UGT1A7: variants seen among roughly 807,000 people sequenced by gnomAD.
The protein encoded by UGT1A7 is UDP glucuronosyltransferase family 1 member A7.
Under a neutral mutation model 45.6 loss-of-function variants are expected in UGT1A7, and 33 were observed. The ratio of observed to expected loss-of-function variants is 0.72; its 90% CI spans 0.55 to 0.97. The LOEUF is 0.97. Among genes scored for constraint, UGT1A7 ranks in the 50% least tolerant of loss-of-function variants. The probability of loss-of-function intolerance (pLI) is 0.00; values close to 1 mark genes in which losing one functional copy is unlikely to be tolerated. For missense variants in UGT1A7, 684 were observed against 666.2 expected, an observed-to-expected ratio of 1.03 and a Z score of -0.29; for synonymous variants, 274 against 250.6, an observed-to-expected ratio of 1.09 and a Z score of -0.88.
At chr2:233,736,071 G>A (rs1216077159) in intron 1 of UGT1A7, among the ~76,000 whole-genome samples, 1 of 152,146 alleles carries the variant, frequency 6.6e-6, no homozygotes, top group Non-Finnish European at 1.5e-5. Flanking sequence ...TGCTAGGTTT[G>A]GGAAGTTCTC....
intron 1 of UGT1A7, among the ~76,000 whole-genome samples, chr2:233,735,163 G>C (rs2078615776): frequency 7.0e-6 from 1 of 143,406 alleles, no homozygotes. Context: ...CTCTGTGTAG[G>C]TCTCTAAGAA....
At chr2:233,688,574 C>G (rs978724420) in intron 1 of UGT1A7, among the ~76,000 whole-genome samples, 1 of 152,144 alleles carries the variant, frequency 6.6e-6, no homozygotes, top group Non-Finnish European at 1.5e-5. Context: ...AACATGAGTT[C>G]ATCTTGTTTT....
At position 233,728,107 on chromosome 2, in the gene UGT1A7, C is replaced by T. The variant is rs144723980; in HGVS notation, c.856-38927C>T. On this transcript the variant is annotated intron_variant, in intron 1 of 4. Transcript: ENST00000373426. ...CCTTTAGAAAGGCACATATTTAATT[C>T]TCCATCTTGAAATTTGGACTAGGGC... Among the ~76,000 whole-genome samples, 25 of 152,336 alleles carry T rather than the reference C, an allele frequency of 1.6e-4. No individual in the cohort carries two copies. In the East Asian group the frequency reaches 4.2e-3, roughly 26 times the overall value.
intron 1 of UGT1A7, among the ~76,000 whole-genome samples, chr2:233,724,860 T>G (rs1312826202): frequency 3.2e-5 from 4 of 126,790 alleles, no homozygotes; most frequent in Non-Finnish European, 6.4e-5. Flanking sequence ...CTGGGAGGTG[T>G]AGGTTGTAGT....
chr2:233,747,463 G>A lies in UGT1A7; in HGVS notation c.856-19571G>A, dbSNP rs564672570. 1.6e-5 allele frequency: 25 copies of A among 1,608,790 alleles called. No homozygotes were observed. The South Asian group carries it at 2.7e-4, about 18-fold the overall frequency. ...ACCCTGACAACCTATGCCATTTCAT[G>A]GACCCAGGATGAATTTGATCGCCTT... On this transcript the variant is annotated intron_variant, in intron 1 of 4. Coordinates refer to ENST00000373426, the MANE Select transcript of UGT1A7 (RefSeq NM_019077.3).
intron 1 of UGT1A7, chr2:233,748,009 C>A: frequency 1.2e-6 from 2 of 1,613,492 alleles, no homozygotes; most frequent in Non-Finnish European, 1.7e-6. Flanking sequence ...ATGGATTACC[C>A]CAGGCCGATC....
At chr2:233,691,295 C>G (rs12623271) in intron 1 of UGT1A7, 398,787 of 985,226 alleles carry the variant, frequency 0.4, 81,169 homozygotes, top group South Asian at 0.46. Context: ...TTGTAAGCTG[C>G]CAATCCTCTT....
chr2:233,731,446 C>G (rs1336068752), intron 1 of UGT1A7, among the ~76,000 whole-genome samples: 3 of 152,132 alleles, frequency 2.0e-5, no homozygotes, highest in Non-Finnish European at 4.4e-5. Flanking sequence ...GTCCCCCACC[C>G]CACAACAGGC....
intron 1 of UGT1A7, among the ~76,000 whole-genome samples, chr2:233,758,934 A>T (rs1366675557): frequency 1.3e-5 from 2 of 152,238 alleles, no homozygotes; most frequent in Non-Finnish European, 2.9e-5. Context: ...TTTTGACTTC[A>T]AATCAGTCAT....
intron 1 of UGT1A7, among the ~76,000 whole-genome samples, chr2:233,746,704 G>A (rs1301844590): frequency 6.6e-6 from 1 of 151,714 alleles, no homozygotes; most frequent in African/African-American, 2.4e-5. Context: ...TAAATATTTG[G>A]TGGATAAGGG....
chr2:233,697,516 A>T (rs6715829), intron 1 of UGT1A7, among the ~76,000 whole-genome samples: 54,219 of 147,148 alleles, frequency 0.37, 10,143 homozygotes, highest in African/African-American at 0.45. Flanking sequence ...TTTTTTTTTT[A>T]AAAAACTTTT....
intron 1 of UGT1A7, among the ~76,000 whole-genome samples, chr2:233,715,561 C>T (rs1394505306): frequency 6.6e-6 from 1 of 152,008 alleles, no homozygotes; most frequent in Non-Finnish European, 1.5e-5. Flanking sequence ...TGCTTGAGCC[C>T]AGGAGTCTGA....
At chr2:233,690,386 C>T in intron 1 of UGT1A7, 1 of 1,067,022 alleles carries the variant, frequency 9.4e-7, no homozygotes, top group Admixed American at 2.6e-5. Context: ...TCCACGTTTC[C>T]AGACCTTCCT....
At chr2:233,724,636 G>A (rs1302361231) in intron 1 of UGT1A7, among the ~76,000 whole-genome samples, 4 of 141,026 alleles carry the variant, frequency 2.8e-5, no homozygotes, top group Admixed American at 7.0e-5. Flanking sequence ...CTTCCTAGAT[G>A]TGATGGCGGC....
At chr2:233,744,574 T>G (rs1165688532) in intron 1 of UGT1A7, among the ~76,000 whole-genome samples, 1 of 151,936 alleles carries the variant, frequency 6.6e-6, no homozygotes, top group Non-Finnish European at 1.5e-5. Context: ...AAGAGTGGCA[T>G]CGTTTTACAG....
At chr2:233,694,075 T>C (rs2075199005) in intron 1 of UGT1A7, among the ~76,000 whole-genome samples, 1 of 152,176 alleles carries the variant, frequency 6.6e-6, no homozygotes, top group African/African-American at 2.4e-5. Flanking sequence ...GGCTCATGCT[T>C]GGCAAGAGTA....
chr2:233,755,291 C>G (rs1483791202), intron 1 of UGT1A7: 2 of 651,218 alleles, frequency 3.1e-6, no homozygotes, highest in Admixed American at 2.9e-5. Flanking sequence ...AAAGAGCCTG[C>G]GGGGCACTGG....
rs1293478341 is a variant in UGT1A7, at chr2:233,720,768, G to A, written c.855+37976G>A. On this transcript the variant is annotated intron_variant, in intron 1 of 4. Coordinates refer to ENST00000373426, the MANE Select transcript of UGT1A7 (RefSeq NM_019077.3). ...TCGCCCAGGCTGGAGGGCAGTGGCCGGATCTCCGCTCACTGCAACCTTCAC... is the reference window on the plus strand; with the variant it reads ...TCGCCCAGGCTGGAGGGCAGTGGCCAGATCTCCGCTCACTGCAACCTTCAC... Among the ~76,000 whole-genome samples, 6 of 150,528 alleles carry A rather than the reference G, an allele frequency of 4.0e-5. No individual in the cohort carries two copies. The South Asian group carries it at 8.4e-4, about 21-fold the overall frequency.
At chr2:233,747,473 T>A in intron 1 of UGT1A7, 2 of 1,608,772 alleles carry the variant, frequency 1.2e-6, no homozygotes, top group South Asian at 2.2e-5. Context: ...GGACCCAGGA[T>A]GAATTTGATC....
Sources: allele counts gnomAD v4.1 joint callset (sites outside exome capture counted in the v4.1 genomes callset), GRCh38; gene constraint gnomAD v4.1.1; transcripts MANE v1.5; gene names NCBI Gene and HGNC (gene_info 2026-07-23, HGNC 2026-07-21).